The following SLC22A23 variants were observed in gnomAD, a reference collection of about 807,000 sequenced individuals.
The protein encoded by SLC22A23 is solute carrier family 22 member 23.
SLC22A23 carries 26 observed loss-of-function variants against 61.0 expected under a neutral mutation model. The observed-to-expected ratio is 0.43, with a 90% CI of 0.31 to 0.59. The LOEUF (loss-of-function observed/expected upper bound fraction) is 0.59, where lower values mean the gene tolerates loss of function less well. Among genes scored for constraint, SLC22A23 ranks in the 20% least tolerant of loss-of-function variants. The pLI is 0.11. For missense variants in SLC22A23, 796 were observed against 934.7 expected, an observed-to-expected ratio of 0.85 and a Z score of 1.94; for synonymous variants, 430 against 413.9, an observed-to-expected ratio of 1.04 and a Z score of -0.47.
chr6:3,338,962 A>G (rs1764006739), intron 3 of SLC22A23, among the ~76,000 whole-genome samples: 2 of 152,216 alleles, frequency 1.3e-5, no homozygotes, highest in Non-Finnish European at 2.9e-5. Flanking sequence ...GGAAGCCCCA[A>G]CGGAGAAAGT....
chr6:3,292,469 G>T (rs979679082), intron 5 of SLC22A23, among the ~76,000 whole-genome samples: 1 of 152,184 alleles, frequency 6.6e-6, no homozygotes, highest in African/African-American at 2.4e-5. Flanking sequence ...GCTGCTGCGA[G>T]CACCCAGCTC....
rs1477973120 is a variant in SLC22A23, at chr6:3,297,854, G to A, written c.1210+237C>T. Among the ~76,000 whole-genome samples the A allele has an allele frequency of 1.3e-5, 2 of 152,194 alleles. No individual in the cohort carries two copies. The highest frequency in any genetic ancestry group is 2.9e-5 in the Non-Finnish European group (2 of 68,024). On this transcript the variant is annotated intron_variant, in intron 5 of 9. Transcript: ENST00000406686. The surrounding 1 kb of genome is among the most constrained non-coding windows in gnomAD (Gnocchi z 4.3). ...TATATTGGGCTCATGGCTCGCTTCTGCATTTAGACAGGAGATGAGCAGATC... is the reference window on the plus strand; with the variant it reads ...TATATTGGGCTCATGGCTCGCTTCTACATTTAGACAGGAGATGAGCAGATC...
intron 3 of SLC22A23, among the ~76,000 whole-genome samples, chr6:3,331,051 TA>T (rs1763554711): frequency 6.6e-6 from 1 of 152,250 alleles, no homozygotes; most frequent in Non-Finnish European, 1.5e-5. Context: ...TAAATTCATT[TA>T]ATCTGCACAA....
intron 3 of SLC22A23, among the ~76,000 whole-genome samples, chr6:3,347,998 CCTT>C (rs1764540368): frequency 6.6e-6 from 1 of 152,222 alleles, no homozygotes; most frequent in East Asian, 1.9e-4. Flanking sequence ...GCTCTCCACT[CCTT>C]CATCTAACTC....
intron 3 of SLC22A23, among the ~76,000 whole-genome samples, chr6:3,346,881 AC>A (rs1377136160): frequency 6.6e-6 from 1 of 152,124 alleles, no homozygotes; most frequent in Non-Finnish European, 1.5e-5. Flanking sequence ...CAGAGCATAT[AC>A]CCCCTAGTAG....
intron 3 of SLC22A23, among the ~76,000 whole-genome samples, chr6:3,326,854 C>T (rs1763308967): frequency 6.6e-6 from 1 of 152,218 alleles, no homozygotes; most frequent in African/African-American, 2.4e-5. Flanking sequence ...ACTGCAGGCA[C>T]TTGAGGATTG....
At chr6:3,383,590 A>G (rs1485412946) in intron 3 of SLC22A23, among the ~76,000 whole-genome samples, 6 of 152,160 alleles carry the variant, frequency 3.9e-5, no homozygotes, top group African/African-American at 1.4e-4. Context: ...GGGGCCTCTG[A>G]CTCTGATGTG....
intron 1 of SLC22A23, among the ~76,000 whole-genome samples, chr6:3,431,688 A>T (rs779553635): frequency 2.0e-5 from 3 of 152,174 alleles, no homozygotes; most frequent in African/African-American, 7.2e-5. Flanking sequence ...CCTGAGAAGC[A>T]CTCCTAAATG....
intron 3 of SLC22A23, among the ~76,000 whole-genome samples, chr6:3,356,494 G>C (rs765293117): frequency 1.2e-4 from 19 of 152,066 alleles, no homozygotes; most frequent in Non-Finnish European, 2.2e-4. Context: ...AAATAAAGCT[G>C]ACCCTAAACT....
rs1327713514 is a variant in SLC22A23 at position 3,342,553 on chromosome 6, C to T, written c.914-18551G>A. On this transcript the variant is annotated intron_variant, in intron 3 of 9. Coordinates refer to ENST00000406686, the MANE Select transcript of SLC22A23 (RefSeq NM_015482.2). The surrounding 1 kb of genome is among the most constrained non-coding windows in gnomAD (Gnocchi z 4.0). ...CCCACAGCATCAGAGTCCCCCGGGG[C>T]CCTGAGCCCAGATTCCCAGAAACAG... Among the ~76,000 whole-genome samples, 1 of 152,124 alleles carries T rather than the reference C, an allele frequency of 6.6e-6. No individual in the cohort carries two copies. Among genetic ancestry groups the T allele is most frequent in the African/African-American group, 2.4e-5 (1 of 41,404 alleles).
At position 3,410,537 on chromosome 6, in the gene SLC22A23, A is replaced by C. The variant is rs1385200015; in HGVS notation, c.759-195T>G. Among the ~76,000 whole-genome samples, 4 of 152,156 alleles carry C rather than the reference A, an allele frequency of 2.6e-5. No homozygotes were observed. The highest frequency in any genetic ancestry group is 4.4e-5 in the Non-Finnish European group (3 of 68,042). ...AAGGGAGATTTAGCCCAACCCCCTA[A>C]TTCTCGAGATAAGGGAGCAGAGATC... is the stretch of plus-strand genomic sequence containing the variant. On this transcript the variant is annotated intron_variant, in intron 2 of 9. Transcript: ENST00000406686. The surrounding 1 kb of genome is among the most constrained non-coding windows in gnomAD (Gnocchi z 5.0).
Position 3,455,828 on chromosome 6 carries a change from C to T in SLC22A23, c.654+78G>A, listed in dbSNP as rs1772371452. 4 of 1,436,014 alleles carry T rather than the reference C, an allele frequency of 2.8e-6. No homozygotes were observed. In the South Asian group the frequency reaches 4.4e-5, roughly 16 times the overall value. 89.0% of individuals were successfully genotyped at this position (1,436,014 alleles called of 1,614,324 possible). A position where few individuals can be genotyped will look rare whatever the true frequency, so the allele number is the denominator to read the frequency against. On this transcript the variant is annotated intron_variant, in intron 1 of 9. Coordinates refer to ENST00000406686, the MANE Select transcript of SLC22A23 (RefSeq NM_015482.2). Reference sequence around the variant, plus strand: ...TCTAGCACCACCACTTTGGGGACTTCGGTTCTCCCGCTGGCTCGGGCTTGG... The same window carrying T: ...TCTAGCACCACCACTTTGGGGACTTTGGTTCTCCCGCTGGCTCGGGCTTGG...
chr6:3,399,674 G>C (rs1053359332), intron 3 of SLC22A23, among the ~76,000 whole-genome samples: 1 of 152,202 alleles, frequency 6.6e-6, no homozygotes, highest in Non-Finnish European at 1.5e-5. Flanking sequence ...GTTGCATACA[G>C]ATAAGATAAA....
chr6:3,383,454 T>A (rs1459936350), intron 3 of SLC22A23, among the ~76,000 whole-genome samples: 1 of 152,178 alleles, frequency 6.6e-6, no homozygotes, highest in African/African-American at 2.4e-5. Context: ...GACATATATC[T>A]TATTAGTATT....
In SLC22A23 at chr6:3,293,643, C is replaced by T. The variant is rs567662602; in HGVS notation, c.1211-3777G>A. ...CCTAACCTGAGCCCTCTGAGTGAGC[C>T]GTGGCGGTCGCCTGTGGAGTGAGGG... On this transcript the variant is annotated intron_variant, in intron 5 of 9. Coordinates refer to ENST00000406686, the MANE Select transcript of SLC22A23 (RefSeq NM_015482.2). Among the ~76,000 whole-genome samples the T allele has an allele frequency of 3.3e-5, 5 of 152,372 alleles. No individual in the cohort carries two copies. In the East Asian group the frequency reaches 5.8e-4, roughly 18 times the overall value.
At chr6:3,379,164 A>T (rs1766792827) in intron 3 of SLC22A23, among the ~76,000 whole-genome samples, 1 of 152,166 alleles carries the variant, frequency 6.6e-6, no homozygotes, top group Non-Finnish European at 1.5e-5. Context: ...TGTCTCTGAG[A>T]CAAGTTCTAG....
chr6:3,421,906 AGGTTAAGCAC>A (rs1242408371), intron 1 of SLC22A23, among the ~76,000 whole-genome samples: 1 of 152,238 alleles, frequency 6.6e-6, no homozygotes, highest in Admixed American at 6.5e-5. Flanking sequence ...CACAGCCTGA[AGGTTAAGCAC>A]GTTAATGCTC....
chr6:3,280,785 C>T (rs1290496723), intron 9 of SLC22A23, among the ~76,000 whole-genome samples: 7 of 152,148 alleles, frequency 4.6e-5, no homozygotes, highest in East Asian at 1.9e-4. Context: ...CGTGAGCCAC[C>T]GTGCCCGGCC....
chr6:3,271,027 C>T lies in SLC22A23; in HGVS notation c.*2028G>A, dbSNP rs1414457519. The T allele has an allele frequency of 6.6e-6, 1 of 152,390 alleles. No individual in the cohort carries two copies. Among genetic ancestry groups the T allele is most frequent in the African/African-American group, 2.4e-5 (1 of 41,430 alleles). The allele number at this position is 152,390 out of a possible 1,614,324, so 9.4% of individuals were successfully genotyped here. ...GATCCTTCCCACCTTCCCCAACTGC[C>T]TACTGGCCTGGCTACTGGATAGGTC... On this transcript the variant is annotated 3_prime_UTR_variant, in exon 10 of 10. Coordinates refer to ENST00000406686, the MANE Select transcript of SLC22A23 (RefSeq NM_015482.2).
Sources: allele counts gnomAD v4.1 joint callset (sites outside exome capture counted in the v4.1 genomes callset), GRCh38; gene constraint gnomAD v4.1.1; non-coding constraint Gnocchi (gnomAD v3.1); transcripts MANE v1.5; gene names NCBI Gene and HGNC (gene_info 2026-07-23, HGNC 2026-07-21).